Variants in CTXND1 observed in about 807,000 individuals in gnomAD.
CTXND1 encodes cortexin domain containing 1, also known as cortexin domain-containing 1 protein.
intron 1 of CTXND1, among the ~76,000 whole-genome samples, chr15:80,249,123 A>T (rs1227657820): frequency 6.6e-6 from 1 of 151,862 alleles, no homozygotes; most frequent in Non-Finnish European, 1.5e-5. Flanking sequence ...GCTAATTTTT[A>T]AAATTTTTTT....
chr15:80,237,194 G>T (rs1249048930), intron 1 of CTXND1, among the ~76,000 whole-genome samples: 2 of 151,922 alleles, frequency 1.3e-5, no homozygotes, highest in African/African-American at 4.8e-5. Flanking sequence ...AATTAGCTGG[G>T]CGTGGTGGCA....
chr15:80,239,156 C>T (rs977017129), intron 1 of CTXND1, among the ~76,000 whole-genome samples: 8 of 152,314 alleles, frequency 5.3e-5, no homozygotes, highest in Middle Eastern at 3.4e-3. Context: ...GGAGGCTCTG[C>T]CGTCTGAAGC....
intron 1 of CTXND1, among the ~76,000 whole-genome samples, chr15:80,216,276 C>G (rs1000283646): frequency 2.6e-5 from 4 of 152,110 alleles, no homozygotes; most frequent in Admixed American, 2.6e-4. Flanking sequence ...TAGTATTTCC[C>G]CTAAATTAAT....
chr15:80,213,833 CAGAA>C, intron 1 of CTXND1, among the ~76,000 whole-genome samples: 1 of 152,044 alleles, frequency 6.6e-6, no homozygotes, highest in African/African-American at 2.4e-5. Flanking sequence ...GTGACAGCAA[CAGAA>C]AGACATTTTC....
At chr15:80,217,217 G>A (rs1469584192) in intron 1 of CTXND1, among the ~76,000 whole-genome samples, 3 of 152,032 alleles carry the variant, frequency 2.0e-5, no homozygotes, top group Non-Finnish European at 2.9e-5. Flanking sequence ...AAGCCTTGGG[G>A]AGTTAAAAAA....
At chr15:80,247,136 T>A (rs1303407709) in intron 1 of CTXND1, among the ~76,000 whole-genome samples, 2 of 152,072 alleles carry the variant, frequency 1.3e-5, no homozygotes, top group East Asian at 3.9e-4. Flanking sequence ...TGAAGACAGG[T>A]CAGGTGAATT....
chr15:80,209,651 A>G (rs1459740750), intron 1 of CTXND1, among the ~76,000 whole-genome samples: 2 of 152,382 alleles, frequency 1.3e-5, no homozygotes, highest in African/African-American at 4.8e-5. Context: ...GCCATAGGAC[A>G]CGATGAAGAA....
At chr15:80,223,860 T>C (rs1173025591) in intron 1 of CTXND1, among the ~76,000 whole-genome samples, 1 of 151,090 alleles carries the variant, frequency 6.6e-6, no homozygotes. Flanking sequence ...TATGTGAGGG[T>C]TGATGTGCTA....
At chr15:80,213,869 A>G (rs1198912959) in intron 1 of CTXND1, among the ~76,000 whole-genome samples, 1 of 152,202 alleles carries the variant, frequency 6.6e-6, no homozygotes, top group African/African-American at 2.4e-5. Context: ...AATTGTATAT[A>G]CCTGTCTGAG....
chr15:80,214,048 A>G (rs2142126475), intron 1 of CTXND1, among the ~76,000 whole-genome samples: 1 of 152,312 alleles, frequency 6.6e-6, no homozygotes, highest in Non-Finnish European at 1.5e-5. Flanking sequence ...ATAAAACAAT[A>G]TAAACATTAA....
chr15:80,251,121 C>A (rs1025418424), intron 1 of CTXND1, among the ~76,000 whole-genome samples: 1 of 152,156 alleles, frequency 6.6e-6, no homozygotes, highest in African/African-American at 2.4e-5. Flanking sequence ...TTCGATGGAG[C>A]TTTTTTCCTG....
At chr15:80,211,839 C>A (rs1261439971) in intron 1 of CTXND1, among the ~76,000 whole-genome samples, 2 of 152,176 alleles carry the variant, frequency 1.3e-5, no homozygotes, top group Non-Finnish European at 2.9e-5. Flanking sequence ...AATGCTGATG[C>A]TGTTGGTCTC....
At chr15:80,249,274 A>G (rs1048344603) in intron 1 of CTXND1, among the ~76,000 whole-genome samples, 4 of 152,154 alleles carry the variant, frequency 2.6e-5, no homozygotes, top group African/African-American at 9.7e-5. Context: ...CTCCAGTCTC[A>G]GGGGAACTCA....
intron 1 of CTXND1, among the ~76,000 whole-genome samples, chr15:80,216,206 C>A (rs1893251382): frequency 2.0e-5 from 3 of 152,174 alleles, no homozygotes. Flanking sequence ...CTGCATCAAC[C>A]ATATGTTTTC....
At position 80,233,847 on chromosome 15, in the gene CTXND1, G is replaced by A. The variant is rs562476369; in HGVS notation, c.-218+18160C>T. 4.6e-5 allele frequency among the ~76,000 whole-genome samples: 7 copies of A among 152,340 alleles called. No individual in the cohort carries two copies. The South Asian group carries it at 6.2e-4, about 14-fold the overall frequency. ...TGAATTGCAGGATTCCTCTGCATGC[G>A]TGAAGACATTTAACAGGACAGATGA... On this transcript the variant is annotated intron_variant, in intron 1 of 2. Transcript: ENST00000560778.
At chr15:80,204,091 A>G (rs1172335676) in intron 1 of CTXND1, among the ~76,000 whole-genome samples, 1 of 130,866 alleles carries the variant, frequency 7.6e-6, no homozygotes, top group African/African-American at 2.9e-5. Context: ...TGAACCCAGG[A>G]GGCGGAGGTT....
At chr15:80,217,754 C>G (rs563367951) in intron 1 of CTXND1, among the ~76,000 whole-genome samples, 1 of 152,026 alleles carries the variant, frequency 6.6e-6, no homozygotes, top group Non-Finnish European at 1.5e-5. Flanking sequence ...ACCATGTTGC[C>G]CAGGCTGGTC....
rs908047232 is a variant in CTXND1 at position 80,201,485 on chromosome 15, A to G, written c.*285T>C. The stretch of plus-strand genomic sequence containing the variant: ...AGGAACCTGGGAAGGTGACTACCCT[A>G]TCATCTCACAGGGACTCCCCACACT... On this transcript the variant is annotated 3_prime_UTR_variant, in exon 3 of 3. Transcript: ENST00000560778. 3 of 304,486 alleles carry G rather than the reference A, an allele frequency of 9.9e-6. No homozygotes were observed. Among genetic ancestry groups the G allele is most frequent in the Non-Finnish European group, 1.8e-5 (3 of 166,606 alleles). 18.9% of individuals were successfully genotyped at this position (304,486 alleles called of 1,614,324 possible).
intron 1 of CTXND1, among the ~76,000 whole-genome samples, chr15:80,239,273 C>G (rs752870595): frequency 6.6e-6 from 1 of 152,204 alleles, no homozygotes; most frequent in Non-Finnish European, 1.5e-5. Context: ...CCTATGCCCT[C>G]TGGTTACCAC....
Sources: gnomAD v4.1 joint callset for allele counts (sites outside exome capture counted in the v4.1 genomes callset) on GRCh38, gnomAD v4.1.1 for gene constraint, MANE v1.5 for transcripts, NCBI Gene and HGNC (gene_info 2026-07-23, HGNC 2026-07-21) for gene names.